The following ERN1 variants were observed in gnomAD, a reference collection of about 807,000 sequenced individuals.
ERN1 encodes serine/threonine-protein kinase/endoribonuclease IRE1.
Under a neutral mutation model 113.1 loss-of-function variants are expected in ERN1, and 39 were observed. The observed-to-expected ratio is 0.34, with a 90% CI of 0.27 to 0.45. ERN1 has a LOEUF of 0.45. Among genes scored for constraint, ERN1 ranks in the 20% least tolerant of loss-of-function variants. The pLI, the probability that ERN1 is intolerant of heterozygous loss-of-function variation, is 1.00. For missense variants in ERN1, 976 were observed against 1,274.8 expected, an observed-to-expected ratio of 0.77 and a Z score of 3.57; for synonymous variants, 507 against 515.9, an observed-to-expected ratio of 0.98 and a Z score of 0.23.
intron 17 of ERN1, among the ~76,000 whole-genome samples, chr17:64,050,654 A>T (rs1270969343): frequency 6.6e-6 from 1 of 152,194 alleles, no homozygotes; most frequent in East Asian, 1.9e-4. Context: ...GAAGTCACAG[A>T]AGTGGTACAG....
chr17:64,098,923 C>T (rs925760714), intron 1 of ERN1, among the ~76,000 whole-genome samples: 2 of 152,116 alleles, frequency 1.3e-5, no homozygotes, highest in Admixed American at 1.3e-4. Flanking sequence ...CCATCCATTG[C>T]TAGTAGCACT....
At chr17:64,114,424 A>C (rs968381165) in intron 1 of ERN1, among the ~76,000 whole-genome samples, 4 of 152,236 alleles carry the variant, frequency 2.6e-5, no homozygotes, top group Admixed American at 1.3e-4. Context: ...GTTTGAGTTA[A>C]GATCTATAGG....
At chr17:64,047,605 G>A (rs1365750777) in intron 19 of ERN1, among the ~76,000 whole-genome samples, 3 of 151,998 alleles carry the variant, frequency 2.0e-5, no homozygotes, top group African/African-American at 7.3e-5. Context: ...TATGGTCATT[G>A]GAATTTTAGA....
At chr17:64,119,376 G>GTTTTTTTTTTT (rs3044073) in intron 1 of ERN1, among the ~76,000 whole-genome samples, 4 of 77,896 alleles carry the variant, frequency 5.1e-5, no homozygotes, top group African/African-American at 1.7e-4. Context: ...TTTTTTCTAG[G>GTTTTTTTTTTT]TTTTTTTTTT....
chr17:64,041,357 G>A lies in ERN1; in HGVS notation c.*2631C>T, dbSNP rs950255938. ...AAAAGCTCAACAGCCTTCCAGGATT[G>A]GAGAAGTCCCATAACCTGAACTACA... is the stretch of plus-strand genomic sequence containing the variant. On this transcript the variant is annotated 3_prime_UTR_variant, in exon 22 of 22. Coordinates refer to ENST00000433197, the MANE Select transcript of ERN1 (RefSeq NM_001433.5). 1.3e-5 allele frequency: 2 copies of A among 152,244 alleles called. No individual in the cohort carries two copies. The highest frequency in any genetic ancestry group is 4.8e-5 in the African/African-American group (2 of 41,436). The allele number at this position is 152,244 out of a possible 1,614,324, so 9.4% of individuals were successfully genotyped here. A position where few individuals can be genotyped will look rare whatever the true frequency, so the allele number is the denominator to read the frequency against.
intron 1 of ERN1, among the ~76,000 whole-genome samples, chr17:64,111,004 A>AT (rs1914657340): frequency 6.6e-6 from 1 of 152,338 alleles, no homozygotes; most frequent in South Asian, 2.1e-4. Context: ...GCAGGAAAGA[A>AT]TTACCAGCCA....
intron 2 of ERN1, among the ~76,000 whole-genome samples, chr17:64,093,027 C>T (rs1488278597): frequency 1.3e-5 from 2 of 152,088 alleles, no homozygotes; most frequent in African/African-American, 2.4e-5. Context: ...AACGCATTTT[C>T]TCTATTACGT....
At chr17:64,123,160 A>G (rs749210711) in intron 1 of ERN1, among the ~76,000 whole-genome samples, 20 of 151,994 alleles carry the variant, frequency 1.3e-4, no homozygotes, top group African/African-American at 3.4e-4. Flanking sequence ...CAATGTATCA[A>G]CTCTGATTTA....
intron 13 of ERN1, 43 bp downstream of exon 13, chr17:64,055,632 C>T (rs768046514): frequency 1.5e-5 from 22 of 1,516,492 alleles, no homozygotes; most frequent in South Asian, 2.7e-5. Context: ...AGGAGGTGCT[C>T]GAATAAAACA....
At chr17:64,084,875 C>A (rs1292320007) in intron 2 of ERN1, among the ~76,000 whole-genome samples, 1 of 152,216 alleles carries the variant, frequency 6.6e-6, no homozygotes, top group African/African-American at 2.4e-5. Context: ...GACCTTTGCA[C>A]TGGCTGTTCC....
chr17:64,056,880 G>C (rs183117050), intron 12 of ERN1, among the ~76,000 whole-genome samples: 5 of 152,288 alleles, frequency 3.3e-5, no homozygotes, highest in African/African-American at 1.2e-4. Flanking sequence ...AGACGTGCCA[G>C]TGGGGAGTGC....
chr17:64,066,647 T>C lies in ERN1; in HGVS notation c.842+24A>G, dbSNP rs1051511908. The C allele has an allele frequency of 3.1e-6, 5 of 1,611,422 alleles. No individual in the cohort carries two copies. The African/African-American group carries it at 4.0e-5, about 13-fold the overall frequency. ...GAACACGAAGGCCACGGCCGCCCTC[T>C]CCTTCCCCGAGCTCCCAACTCACGT... On this transcript the variant is annotated intron_variant, in intron 8 of 21. Transcript: ENST00000433197.
chr17:64,045,157 C>A (rs1352163201), intron 20 of ERN1, among the ~76,000 whole-genome samples: 1 of 152,108 alleles, frequency 6.6e-6, no homozygotes, highest in African/African-American at 2.4e-5. Flanking sequence ...ACGACACCAT[C>A]ACTCACCTGT....
chr17:64,053,040 T>C, intron 16 of ERN1, 61 bp from the exon 17 acceptor site: 3 of 757,790 alleles, frequency 4.0e-6, no homozygotes, highest in Non-Finnish European at 6.4e-6. Context: ...CCTCCTCCAA[T>C]GGGGAATGTG....
intron 17 of ERN1, among the ~76,000 whole-genome samples, chr17:64,051,206 A>C (rs1348438186): frequency 6.6e-6 from 1 of 152,120 alleles, no homozygotes; most frequent in Non-Finnish European, 1.5e-5. Context: ...GCTCTGCTTT[A>C]CAGAAAAATG....
At chr17:64,070,753 G>A (rs924348380) in intron 6 of ERN1, among the ~76,000 whole-genome samples, 1 of 152,160 alleles carries the variant, frequency 6.6e-6, no homozygotes, top group East Asian at 1.9e-4. Flanking sequence ...TAGGTTTTTG[G>A]TATAATTTCT....
At chr17:64,106,577 G>A (rs1228888691) in intron 1 of ERN1, among the ~76,000 whole-genome samples, 1 of 152,158 alleles carries the variant, frequency 6.6e-6, no homozygotes, top group Non-Finnish European at 1.5e-5. Context: ...GGTTAATAAT[G>A]AGTAATGGCA....
In ERN1 at chr17:64,054,719, G is replaced by A; in HGVS notation, c.1763+19C>T. On this transcript the variant is annotated intron_variant, in intron 14 of 21. Coordinates refer to ENST00000433197, the MANE Select transcript of ERN1 (RefSeq NM_001433.5). The surrounding 1 kb of genome is among the most constrained non-coding windows in gnomAD (Gnocchi z 4.9). The stretch of plus-strand genomic sequence containing the variant: ...TAGACACCAGGCGGTGAGGGCAGGG[G>A]GCTGGCTAATCCACTCACCGGTACA... The A allele has an allele frequency of 6.3e-7, 1 of 1,583,748 alleles. No homozygotes were observed. The highest frequency in any genetic ancestry group is 8.6e-7 in the Non-Finnish European group (1 of 1,161,022).
At chr17:64,097,464 A>G (rs1914261639) in intron 2 of ERN1, among the ~76,000 whole-genome samples, 1 of 152,226 alleles carries the variant, frequency 6.6e-6, no homozygotes, top group South Asian at 2.1e-4. Flanking sequence ...AATAATATAG[A>G]TGACTCTGAA....
Sources: gnomAD v4.1 joint callset for allele counts (sites outside exome capture counted in the v4.1 genomes callset) on GRCh38, gnomAD v4.1.1 for gene constraint, Gnocchi (gnomAD v3.1) non-coding constraint, MANE v1.5 for transcripts, NCBI Gene and HGNC (gene_info 2026-07-23, HGNC 2026-07-21) for gene names.